The following ULK2 variants were observed in gnomAD, a reference collection of about 807,000 sequenced individuals.
The protein encoded by ULK2 is serine/threonine-protein kinase ULK2.
Under a neutral mutation model 127.5 loss-of-function variants are expected in ULK2, and 76 were observed. That is an observed-to-expected ratio of 0.60 (90% CI 0.50 to 0.72). The LOEUF (loss-of-function observed/expected upper bound fraction) is 0.72, where lower values mean the gene tolerates loss of function less well. ULK2 is among the 30% of genes least tolerant of loss of function. ULK2 has a pLI of 0.00. For synonymous variants in ULK2, 452 were observed against 461.9 expected (o/e 0.98, Z 0.28); for missense variants, 1,144 against 1,295.9 (o/e 0.88, Z 1.80).
At chr17:19,840,451 T>G (rs549944261) in intron 9 of ULK2, 1 of 471,264 alleles carries the variant, frequency 2.1e-6, no homozygotes, top group East Asian at 5.3e-5. Context: ...AAAACTGACA[T>G]GGATAGAAAA....
rs189801755 is a variant in ULK2, at chr17:19,856,734, T to A, written c.226-6960A>T. ...ACGCCTGGAATCCCAGCACTTTGGG[T>A]GGCCGAGGCGGGCAGATCACAAGGT... On this transcript the variant is annotated intron_variant, in intron 3 of 26. Transcript: ENST00000395544. 7.8e-3 allele frequency among the ~76,000 whole-genome samples: 1,153 copies of A among 147,834 alleles called. 10 individuals carry two copies. Among genetic ancestry groups the A allele is most frequent in the African/African-American group, 0.026 (1,063 of 40,184 alleles).
At chr17:19,867,204 C>A in intron 1 of ULK2, 124 bp downstream of exon 1, 4 of 690,200 alleles carry the variant, frequency 5.8e-6, no homozygotes, top group Non-Finnish European at 8.8e-6. Flanking sequence ...GGGCTGCGCG[C>A]ACAATAGCAT....
At chr17:19,841,383 T>C in intron 9 of ULK2, 106 bp downstream of exon 9, 1 of 1,138,612 alleles carries the variant, frequency 8.8e-7, no homozygotes, top group Non-Finnish European at 1.2e-6. Flanking sequence ...TTTCACATTA[T>C]CAACTGAAAA....
chr17:19,842,577 CAT>C (rs1405820567), intron 8 of ULK2, among the ~76,000 whole-genome samples: 2 of 152,056 alleles, frequency 1.3e-5, no homozygotes, highest in Non-Finnish European at 2.9e-5. Flanking sequence ...TTCTTTGTAA[CAT>C]AAGAAATTAT....
intron 13 of ULK2, among the ~76,000 whole-genome samples, chr17:19,814,559 G>A (rs554696262): frequency 2.4e-4 from 36 of 150,098 alleles, no homozygotes; most frequent in African/African-American, 8.8e-4. Context: ...CTACAGGTAT[G>A]CACCACCATA....
chr17:19,841,464 A>C, intron 9 of ULK2, 25 bp downstream of exon 9: 1 of 1,571,186 alleles, frequency 6.4e-7, no homozygotes, highest in Non-Finnish European at 8.6e-7. Flanking sequence ...CAAATAGTAA[A>C]ACCCAGTGTA....
rs2086737891 is a variant in ULK2, at chr17:19,771,641, TTAAC to T, written c.*4704_*4707del. 6.6e-6 allele frequency: 1 copy of T among 152,138 alleles called. No individual in the cohort carries two copies. Among genetic ancestry groups the T allele is most frequent in the South Asian group, 2.1e-4 (1 of 4,824 alleles). 9.4% of individuals were successfully genotyped at this position (152,138 alleles called of 1,614,324 possible). On this transcript the variant is annotated 3_prime_UTR_variant, in exon 27 of 27. Coordinates refer to ENST00000395544, the MANE Select transcript of ULK2 (RefSeq NM_014683.4). ...GGCTGGGCAAAGAATTTCATATTCA[TTAAC>T]TTATTTCTCACCTCAACTCTGTGAG...
intron 3 of ULK2, among the ~76,000 whole-genome samples, chr17:19,852,435 A>G (rs560632898): frequency 7.2e-6 from 1 of 139,748 alleles, no homozygotes; most frequent in African/African-American, 2.7e-5. Context: ...GCAGGAGAAT[A>G]GTGTGAACCC....
chr17:19,790,643 C>A (rs1488492880), intron 20 of ULK2, among the ~76,000 whole-genome samples: 1 of 152,054 alleles, frequency 6.6e-6, no homozygotes, highest in Non-Finnish European at 1.5e-5. Flanking sequence ...AGGATTAAGT[C>A]CTTACTTACC....
intron 22 of ULK2, among the ~76,000 whole-genome samples, chr17:19,782,745 G>A (rs538481805): frequency 8.3e-4 from 127 of 152,180 alleles, no homozygotes; most frequent in Middle Eastern, 6.8e-3. Context: ...GCGAAATCCC[G>A]TCTCTACTAA....
chr17:19,860,521 CCT>C (rs1009201541), intron 3 of ULK2, among the ~76,000 whole-genome samples: 2 of 151,154 alleles, frequency 1.3e-5, no homozygotes, highest in Non-Finnish European at 2.9e-5. Context: ...TTGATTAATA[CCT>C]CTTTTTTTTT....
rs576803776 is a variant in ULK2 at position 19,841,856 on chromosome 17, G to A, written c.646-309C>T. The stretch of plus-strand genomic sequence containing the variant: ...AAAATTCTGTACATCTGAGTATAAC[G>A]TACCTTTTCTGAGGTACCTTTTCTG... On this transcript the variant is annotated intron_variant, in intron 8 of 26. Coordinates refer to ENST00000395544, the MANE Select transcript of ULK2 (RefSeq NM_014683.4). 5.3e-5 allele frequency among the ~76,000 whole-genome samples: 8 copies of A among 152,166 alleles called. No individual in the cohort carries two copies. In the South Asian group the frequency reaches 1.7e-3, roughly 32 times the overall value.
chr17:19,778,034 A>G (rs1440022751), intron 25 of ULK2, among the ~76,000 whole-genome samples: 1 of 152,206 alleles, frequency 6.6e-6, no homozygotes, highest in Admixed American at 6.5e-5. Flanking sequence ...ACACTTCCAT[A>G]TAAGGGTAAC....
Position 19,864,804 on chromosome 17 carries a change from TG to T in ULK2, c.223del (p.Gln75ArgfsTer10). 1 of 1,299,034 alleles carries T rather than the reference TG, an allele frequency of 7.7e-7. No homozygotes were observed. Among genetic ancestry groups the T allele is most frequent in the South Asian group, 2.3e-5 (1 of 43,664 alleles). The allele number at this position is 1,299,034 out of a possible 1,614,324, so 80.5% of individuals were successfully genotyped here. On this transcript the variant is annotated frameshift_variant and splice_region_variant, in exon 3 of 27. Coordinates refer to ENST00000395544, the MANE Select transcript of ULK2 (RefSeq NM_014683.4). LOFTEE classifies it high-confidence loss of function. Reference protein sequence around the residue: ...HENIVALYDVQELPNSVFLVM... With the variant: ...HENIVALYDVXELPNSVFLVM... ...TTAAAAATTTTCAAAATAAGGTACC[TG>T]AACATCATAGAGTGCTACAATATTT... is the stretch of plus-strand genomic sequence containing the variant.
At chr17:19,840,002 G>A in intron 9 of ULK2, 1 of 296,924 alleles carries the variant, frequency 3.4e-6, no homozygotes, top group Non-Finnish European at 6.6e-6. Context: ...ACTAGAGCCT[G>A]TTTGCAGTAA....
At chr17:19,802,512 A>G (rs1392622592) in intron 15 of ULK2, among the ~76,000 whole-genome samples, 1 of 152,248 alleles carries the variant, frequency 6.6e-6, no homozygotes, top group East Asian at 1.9e-4. Context: ...ATATATTTTT[A>G]TAAATTTCTA....
chr17:19,795,538 G>A (rs2087250389), intron 20 of ULK2, 84 bp downstream of exon 20: 1 of 1,105,420 alleles, frequency 9.0e-7, no homozygotes, highest in East Asian at 2.4e-5. Context: ...CACCAAGCAT[G>A]TGATGATTTG....
intron 3 of ULK2, among the ~76,000 whole-genome samples, chr17:19,854,572 G>A (rs1417394027): frequency 6.6e-6 from 1 of 151,982 alleles, no homozygotes; most frequent in East Asian, 1.9e-4. Context: ...TAAGAGTCTG[G>A]GATAGCTGGT....
At chr17:19,821,673 G>C (rs1024820936) in intron 12 of ULK2, among the ~76,000 whole-genome samples, 2 of 151,990 alleles carry the variant, frequency 1.3e-5, no homozygotes, top group Admixed American at 1.3e-4. Context: ...ACAAATGTTC[G>C]TACTTTCCTT....
Sources: gnomAD v4.1 joint callset for allele counts (sites outside exome capture counted in the v4.1 genomes callset) on GRCh38, gnomAD v4.1.1 for gene constraint, MANE v1.5 for transcripts, NCBI Gene and HGNC (gene_info 2026-07-23, HGNC 2026-07-21) for gene names.